ROBO1: variants seen among roughly 807,000 people sequenced by gnomAD.
ROBO1 encodes the protein roundabout guidance receptor 1, also known as roundabout homolog 1.
In ROBO1, 149 loss-of-function variants were observed where a neutral mutation model predicts 195.9. The ratio of observed to expected loss-of-function variants is 0.76; its 90% CI spans 0.67 to 0.87. The LOEUF (loss-of-function observed/expected upper bound fraction) is 0.87. Among genes scored for constraint, ROBO1 ranks in the 40% least tolerant of loss-of-function variants. The probability of loss-of-function intolerance (pLI) is 0.00; values close to 1 mark genes in which losing one functional copy is unlikely to be tolerated. For missense variants in ROBO1, 1,933 were observed against 2,068.3 expected, an observed-to-expected ratio of 0.93 and a Z score of 1.27; for synonymous variants, 816 against 733.2, an observed-to-expected ratio of 1.11 and a Z score of -1.82.
chr3:79,622,508 G>T (rs1271249853), intron 1 of ROBO1, among the ~76,000 whole-genome samples: 1 of 152,218 alleles, frequency 6.6e-6, no homozygotes, highest in Non-Finnish European at 1.5e-5. Flanking sequence ...AGCCAGGAAG[G>T]CTGGATGGCT....
intron 29 of ROBO1, among the ~76,000 whole-genome samples, chr3:78,604,177 T>A (rs1383828370): frequency 1.3e-5 from 2 of 152,048 alleles, no homozygotes; most frequent in Admixed American, 6.6e-5. Context: ...TTCAAGCAAT[T>A]CTCCTGCCTC....
chr3:79,676,874 C>A (rs142359638), intron 1 of ROBO1, among the ~76,000 whole-genome samples: 111 of 152,134 alleles, frequency 7.3e-4, no homozygotes, highest in African/African-American at 2.5e-3. Context: ...ACAAATGGAA[C>A]CATACTTAGG....
intron 1 of ROBO1, among the ~76,000 whole-genome samples, chr3:79,591,742 A>G (rs1944005899): frequency 6.6e-6 from 1 of 151,924 alleles, no homozygotes; most frequent in Non-Finnish European, 1.5e-5. Flanking sequence ...TCAGTGAAGT[A>G]TAAATGATTT....
At chr3:79,660,105 T>C (rs1235931097) in intron 1 of ROBO1, among the ~76,000 whole-genome samples, 1 of 151,926 alleles carries the variant, frequency 6.6e-6, no homozygotes, top group Non-Finnish European at 1.5e-5. Context: ...GGTTTCAGGT[T>C]TACCAAATAT....
At chr3:79,564,570 T>C (rs555672166) in intron 2 of ROBO1, among the ~76,000 whole-genome samples, 11 of 152,188 alleles carry the variant, frequency 7.2e-5, no homozygotes, top group African/African-American at 2.6e-4. Context: ...TGAATGTGGG[T>C]GAACTTAATG....
At chr3:79,765,491 G>A (rs1269998359) in intron 1 of ROBO1, among the ~76,000 whole-genome samples, 1 of 152,104 alleles carries the variant, frequency 6.6e-6, no homozygotes, top group Non-Finnish European at 1.5e-5. Flanking sequence ...CTTACAGATT[G>A]CCTTTGAAAG....
chr3:78,732,875 T>C (rs748544037), intron 5 of ROBO1, among the ~76,000 whole-genome samples: 1 of 152,176 alleles, frequency 6.6e-6, no homozygotes, highest in Non-Finnish European at 1.5e-5. Flanking sequence ...TCTAATGCAA[T>C]AGGCTTTTAA....
At chr3:79,681,275 C>A (rs1432228903) in intron 1 of ROBO1, among the ~76,000 whole-genome samples, 1 of 151,908 alleles carries the variant, frequency 6.6e-6, no homozygotes, top group African/African-American at 2.4e-5. Flanking sequence ...GAGGATGCCT[C>A]CACTATTTCC....
intron 2 of ROBO1, among the ~76,000 whole-genome samples, chr3:79,447,468 C>T (rs780788788): frequency 2.0e-5 from 3 of 152,028 alleles, no homozygotes; most frequent in African/African-American, 4.8e-5. Context: ...CAAGTGGTAT[C>T]GAAAAAAGGA....
intron 1 of ROBO1, among the ~76,000 whole-genome samples, chr3:79,733,621 C>A (rs1026998855): frequency 6.6e-6 from 1 of 152,192 alleles, no homozygotes; most frequent in African/African-American, 2.4e-5. Context: ...ATTCCTCTGG[C>A]TCCCACCATC....
chr3:79,387,851 G>T (rs946499450), intron 2 of ROBO1, among the ~76,000 whole-genome samples: 1 of 152,138 alleles, frequency 6.6e-6, no homozygotes, highest in African/African-American at 2.4e-5. Context: ...GTAGGATAAT[G>T]GCTTTGAGAG....
At chr3:79,180,854 G>A (rs1034740233) in intron 2 of ROBO1, among the ~76,000 whole-genome samples, 3 of 152,144 alleles carry the variant, frequency 2.0e-5, no homozygotes, top group Admixed American at 1.3e-4. Flanking sequence ...TGCAGTTGGA[G>A]GGGGTGGGAG....
chr3:79,084,644 G>A (rs889833132), intron 3 of ROBO1, among the ~76,000 whole-genome samples: 4 of 152,086 alleles, frequency 2.6e-5, no homozygotes, highest in African/African-American at 9.6e-5. Flanking sequence ...TATTATTATC[G>A]TTTAGCTATA....
chr3:78,611,136 A>G (rs1454064479), intron 28 of ROBO1, among the ~76,000 whole-genome samples: 2 of 152,194 alleles, frequency 1.3e-5, no homozygotes, highest in East Asian at 1.9e-4. Flanking sequence ...ATATAAGAAC[A>G]TACGCATTCA....
At chr3:79,601,832 G>C (rs1173192404) in intron 1 of ROBO1, among the ~76,000 whole-genome samples, 2 of 151,926 alleles carry the variant, frequency 1.3e-5, no homozygotes, top group Non-Finnish European at 2.9e-5. Flanking sequence ...ACACTGCCTT[G>C]AATGTGTATG....
At chr3:79,170,386 T>C (rs923386066) in intron 2 of ROBO1, among the ~76,000 whole-genome samples, 2 of 152,146 alleles carry the variant, frequency 1.3e-5, no homozygotes, top group Non-Finnish European at 2.9e-5. Flanking sequence ...CAATCAAAGG[T>C]CACTCTTCTT....
chr3:78,598,802 T>G lies in ROBO1; in HGVS notation c.*111A>C. The G allele has an allele frequency of 3.1e-6, 2 of 653,494 alleles. No individual in the cohort carries two copies. Among genetic ancestry groups the G allele is most frequent in the Non-Finnish European group, 5.2e-6 (2 of 384,216 alleles). 40.5% of individuals were successfully genotyped at this position (653,494 alleles called of 1,614,324 possible). On this transcript the variant is annotated 3_prime_UTR_variant, in exon 31 of 31. Transcript: ENST00000464233. Reference sequence around the variant, plus strand: ...CCAATAAGAGGAATAAAAACGACAATTTGTACACTCTGATTGCACTGAACA... The same window carrying G: ...CCAATAAGAGGAATAAAAACGACAAGTTGTACACTCTGATTGCACTGAACA...
At chr3:79,201,282 T>C (rs1425493298) in intron 2 of ROBO1, among the ~76,000 whole-genome samples, 1 of 152,036 alleles carries the variant, frequency 6.6e-6, no homozygotes. Flanking sequence ...ACCTTTCAGA[T>C]AGTCCTGGTC....
intron 1 of ROBO1, among the ~76,000 whole-genome samples, chr3:79,654,249 C>A (rs1209975726): frequency 6.6e-6 from 1 of 151,946 alleles, no homozygotes; most frequent in Non-Finnish European, 1.5e-5. Context: ...GGCAGCATCA[C>A]AAACAAGTAT....
Sources: allele counts gnomAD v4.1 joint callset (sites outside exome capture counted in the v4.1 genomes callset), GRCh38; gene constraint gnomAD v4.1.1; transcripts MANE v1.5; gene names NCBI Gene and HGNC (gene_info 2026-07-23, HGNC 2026-07-21).